The following PAGE1 variants were observed in gnomAD, a reference collection of about 807,000 sequenced individuals.
PAGE1 encodes P antigen family member 1.
Under a neutral mutation model 11.5 loss-of-function variants are expected in PAGE1, and 6 were observed. The ratio of observed to expected loss-of-function variants is 0.52; its 90% CI spans 0.29 to 1.03. The LOEUF is 1.03. Ranked by LOEUF, PAGE1 falls within the 50% of genes least tolerant of loss-of-function variation. The pLI is 0.09. For synonymous variants in PAGE1, 42 were observed against 40.2 expected (o/e 1.05, Z -0.17); for missense variants, 120 against 110.2 (o/e 1.09, Z -0.40).
intron 5 of PAGE1, among the ~76,000 whole-genome samples, chrX:49,688,221 C>T (rs1345050296): frequency 8.9e-6 from 1 of 112,481 alleles, no homozygotes; most frequent in Non-Finnish European, 1.9e-5. Context: ...GAGACCTCAT[C>T]TGTATAAAAA....
intron 1 of PAGE1, among the ~76,000 whole-genome samples, chrX:49,695,148 G>A (rs781939049): frequency 1.2e-3 from 130 of 112,818 alleles, no homozygotes; most frequent in Non-Finnish European, 2.2e-3. Flanking sequence ...GACTACAGGC[G>A]CGCACCACTG....
At position 49,687,469 on chromosome X, in the gene PAGE1, C is replaced by T. The variant is rs782534085; in HGVS notation, c.*72G>A. On this transcript the variant is annotated 3_prime_UTR_variant, in exon 6 of 6. Transcript: ENST00000376150. ...GACTTCTTTGCAGAAGGCTGTAAAG[C>T]TTTATTGGGAGAATTTTAATGGTCA... is the stretch of plus-strand genomic sequence containing the variant. The T allele has an allele frequency of 7.8e-4, 795 of 1,024,011 alleles. 1 individual carries two copies. The highest frequency in any genetic ancestry group is 1.0e-3 in the Non-Finnish European group (744 of 727,077). The allele number at this position is 1,024,011 out of a possible 1,213,427, so 84.4% of individuals were successfully genotyped here.
At chrX:49,691,440 T>G in intron 3 of PAGE1, 66 bp from the exon 4 acceptor site, 1 of 923,000 alleles carries the variant, frequency 1.1e-6, no homozygotes, top group Non-Finnish European at 1.5e-6. Context: ...GAAAATAATA[T>G]TCATGCTCTT....
At chrX:49,690,274 A>G (rs1557142065) in intron 4 of PAGE1, among the ~76,000 whole-genome samples, 1 of 107,373 alleles carries the variant, frequency 9.3e-6, no homozygotes, top group African/African-American at 3.4e-5. Context: ...AATCCCAAGA[A>G]CATGATTTCA....
intron 2 of PAGE1, 43 bp downstream of exon 2, chrX:49,694,665 A>T: frequency 1.1e-6 from 1 of 914,178 alleles, no homozygotes; most frequent in Non-Finnish European, 1.5e-6. Flanking sequence ...AATAGAAAAC[A>T]TCGAATTAAC....
At chrX:49,689,831 T>C (rs2066906697) in intron 4 of PAGE1, among the ~76,000 whole-genome samples, 1 of 61,929 alleles carries the variant, frequency 1.6e-5, no homozygotes, top group African/African-American at 7.6e-5. Context: ...TATATGTGTA[T>C]ATATGTGTGT....
rs1372405136 is a variant in PAGE1, at chrX:49,694,045, C to CACACAA, written c.166+53_166+54insTTGTGT. The CACACAA allele has an allele frequency of 4.5e-4, 294 of 656,610 alleles. 1 individual carries two copies. Among genetic ancestry groups the CACACAA allele is most frequent in the South Asian group, 1.8e-3 (74 of 40,316 alleles). The allele number at this position is 656,610 out of a possible 1,213,427, so 54.1% of individuals were successfully genotyped here. ...AGACACACACACACACACACACACA[C>CACACAA]ACACACACACACACACACACCCCAA... On this transcript the variant is annotated intron_variant, in intron 3 of 5. Coordinates refer to ENST00000376150, the MANE Select transcript of PAGE1 (RefSeq NM_003785.4).
intron 2 of PAGE1, 108 bp from the exon 3 acceptor site, chrX:49,694,309 G>T: frequency 2.2e-6 from 1 of 449,956 alleles, no homozygotes; most frequent in African/African-American, 2.4e-5. Context: ...AGATGTTTCT[G>T]ATCATAACTA....
intron 4 of PAGE1, 88 bp downstream of exon 4, chrX:49,691,161 G>C: frequency 1.1e-6 from 1 of 942,085 alleles, no homozygotes; most frequent in Non-Finnish European, 1.5e-6. Flanking sequence ...CTGGGTGACA[G>C]AGTGAGACTC....
chrX:49,694,569 A>ATTTTAT lies in PAGE1; in HGVS notation c.63+138_63+139insATAAAA, dbSNP rs2066933815. The ATTTTAT allele has an allele frequency of 2.2e-5, 9 of 409,472 alleles. No homozygotes were observed. In the South Asian group the frequency reaches 5.9e-4, roughly 27 times the overall value. 33.7% of individuals were successfully genotyped at this position (409,472 alleles called of 1,213,427 possible). A position where few individuals can be genotyped will look rare whatever the true frequency, so the allele number is the denominator to read the frequency against. ...AATATTTCCTTCATGAGATACCAGA[A>ATTTTAT]TCTTATTTTTTTAATCAGCATGAAC... On this transcript the variant is annotated intron_variant, in intron 2 of 5. Coordinates refer to ENST00000376150, the MANE Select transcript of PAGE1 (RefSeq NM_003785.4).
chrX:49,688,894 CAA>C (rs1204201633), intron 5 of PAGE1, among the ~76,000 whole-genome samples: 2 of 112,181 alleles, frequency 1.8e-5, no homozygotes, highest in Admixed American at 1.9e-4. Context: ...GATTTATACT[CAA>C]AAGTTATAAT....
chrX:49,691,298 GGT>G lies in PAGE1; in HGVS notation c.241_242del (p.Thr81GlnfsTer8). 1 of 1,209,590 alleles carries G rather than the reference GGT, an allele frequency of 8.3e-7. No homozygotes were observed. The highest frequency in any genetic ancestry group is 1.1e-6 in the Non-Finnish European group (1 of 893,834). On this transcript the variant is annotated frameshift_variant, in exon 4 of 6. Transcript: ENST00000376150. LOFTEE classifies it high-confidence loss of function. ...CTTCATTTCGCAGGCACACCCTCTT[GGT>G]ATCAGGACCATCTCCAAGCTCACAC... ...TGCELGDGPD[T>X]KRVCLRNEEQ...
At chrX:49,689,188 A>G (rs1014481518) in intron 5 of PAGE1, among the ~76,000 whole-genome samples, 23 of 108,854 alleles carry the variant, frequency 2.1e-4, no homozygotes, top group Non-Finnish European at 3.4e-4. Flanking sequence ...TAAAAATACA[A>G]AAATTAGCTG....
intron 2 of PAGE1, 145 bp downstream of exon 2, chrX:49,694,563 A>G (rs73483968): frequency 0.04 from 16,267 of 406,757 alleles, 1,246 homozygotes; most frequent in African/African-American, 0.28. Flanking sequence ...TTCATGAGAT[A>G]CCAGAATCTT....
intron 2 of PAGE1, 29 bp downstream of exon 2, chrX:49,694,679 A>G: frequency 2.9e-6 from 3 of 1,050,549 alleles, no homozygotes; most frequent in African/African-American, 3.7e-5. Flanking sequence ...AATTAACGTT[A>G]AAGCACTCAA....
At chrX:49,689,856 ATAGG>A (rs1460290557) in intron 4 of PAGE1, among the ~76,000 whole-genome samples, 11 of 59,265 alleles carry the variant, frequency 1.9e-4, no homozygotes, top group South Asian at 1.2e-3. Flanking sequence ...ACACACATAT[ATAGG>A]TGTGTATATA....
intron 5 of PAGE1, among the ~76,000 whole-genome samples, chrX:49,688,044 T>A (rs1430550183): frequency 1.8e-5 from 2 of 112,740 alleles, no homozygotes; most frequent in African/African-American, 6.4e-5. Context: ...AGCACAGGCA[T>A]CTTACTCACA....
intron 4 of PAGE1, among the ~76,000 whole-genome samples, chrX:49,690,124 TATATATACAC>T (rs1352174810): frequency 3.6e-5 from 3 of 84,145 alleles, no homozygotes; most frequent in East Asian, 7.7e-4. Context: ...TATATATGTG[TATATATACAC>T]ATATATATGT....
At position 49,695,607 on chromosome X, in the gene PAGE1, C is replaced by T. The variant is rs782418593; in HGVS notation, c.-9+262G>A. On this transcript the variant is annotated intron_variant, in intron 1 of 5. Transcript: ENST00000376150. ...CCAACAGCACCCGCAGCACTCGCCT[C>T]ATTTTCACCTGAGCCCCTGACCGCT... is the stretch of plus-strand genomic sequence containing the variant. Among the ~76,000 whole-genome samples the T allele has an allele frequency of 5.3e-5, 6 of 112,267 alleles. No homozygotes were observed. In the South Asian group the frequency reaches 2.2e-3, roughly 42 times the overall value.
Sources: gnomAD v4.1 joint callset for allele counts (sites outside exome capture counted in the v4.1 genomes callset) on GRCh38, gnomAD v4.1.1 for gene constraint, MANE v1.5 for transcripts, NCBI Gene and HGNC (gene_info 2026-07-23, HGNC 2026-07-21) for gene names.